The following MAD1L1 variants were observed in gnomAD, a reference collection of about 807,000 sequenced individuals.
The protein encoded by MAD1L1 is mitotic arrest deficient 1 like 1.
In MAD1L1, 95 loss-of-function variants were observed where a neutral mutation model predicts 96.9. That is an observed-to-expected ratio of 0.98 (90% CI 0.83 to 1.16). The LOEUF (loss-of-function observed/expected upper bound fraction) is 1.16. MAD1L1 is among the 50% of genes most tolerant of loss of function. The pLI is 0.00. For missense variants in MAD1L1, 1,007 were observed against 954.4 expected, an observed-to-expected ratio of 1.06 and a Z score of -0.73; for synonymous variants, 473 against 396.6, an observed-to-expected ratio of 1.19 and a Z score of -2.29.
chr7:1,939,101 G>A (rs373576425), intron 16 of MAD1L1, among the ~76,000 whole-genome samples: 34 of 129,236 alleles, frequency 2.6e-4, no homozygotes, highest in Admixed American at 9.6e-4. Context: ...ACACACACAC[G>A]GGCCAGGGCC....
intron 11 of MAD1L1, among the ~76,000 whole-genome samples, chr7:2,106,655 C>T (rs1004700934): frequency 2.0e-5 from 3 of 152,242 alleles, no homozygotes; most frequent in Non-Finnish European, 4.4e-5. Flanking sequence ...GTCACACTCT[C>T]GGCCCATCCC....
At chr7:1,934,891 C>T (rs1197107908) in intron 17 of MAD1L1, among the ~76,000 whole-genome samples, 15 of 150,460 alleles carry the variant, frequency 1.0e-4, no homozygotes, top group Non-Finnish European at 3.0e-5. Context: ...GAACCCGAGA[C>T]GGGCAGAGAC....
At chr7:2,121,363 G>A (rs1198602246) in intron 11 of MAD1L1, among the ~76,000 whole-genome samples, 1 of 152,256 alleles carries the variant, frequency 6.6e-6, no homozygotes, top group Non-Finnish European at 1.5e-5. Flanking sequence ...GACAGGCAGG[G>A]ATGAGGGAGG....
intron 10 of MAD1L1, among the ~76,000 whole-genome samples, chr7:2,188,455 A>G (rs1271285766): frequency 2.0e-5 from 3 of 152,250 alleles, no homozygotes; most frequent in Non-Finnish European, 2.9e-5. Flanking sequence ...ACAAAGCCAC[A>G]GTAATCAAAA....
chr7:1,964,038 A>C (rs911958357), intron 15 of MAD1L1, among the ~76,000 whole-genome samples: 1 of 152,162 alleles, frequency 6.6e-6, no homozygotes, highest in Non-Finnish European at 1.5e-5. Flanking sequence ...TGCCTGAGTA[A>C]AGGGGAGACT....
rs150085911 is a variant in MAD1L1 at position 2,109,051 on chromosome 7, G to A, written c.1074-39713C>T. On this transcript the variant is annotated intron_variant, in intron 11 of 18. Transcript: ENST00000265854. ...CCTGTGCTGCGCACACAGCCTCCCC[G>A]CACCCGCTCTGCAGCTCAGAGCTGC... is the stretch of plus-strand genomic sequence containing the variant. 8.0e-3 allele frequency among the ~76,000 whole-genome samples: 1,223 copies of A among 152,258 alleles called. 10 individuals carry two copies. Among genetic ancestry groups the A allele is most frequent in the African/African-American group, 0.028 (1,148 of 41,546 alleles).
rs369193160 is a variant in MAD1L1 at position 2,036,319 on chromosome 7, G to A, written c.1219-21677C>T. ...ATGAGCGCGGGAGCACTGACAAGTC[G>A]GGACAGAGCTGGGGTCCAGGCTCCC... On this transcript the variant is annotated intron_variant, in intron 12 of 18. Transcript: ENST00000265854. Among the ~76,000 whole-genome samples, 16 of 151,212 alleles carry A rather than the reference G, an allele frequency of 1.1e-4. No individual in the cohort carries two copies. The East Asian group carries it at 2.7e-3, about 26-fold the overall frequency.
At position 2,142,182 on chromosome 7, in the gene MAD1L1, C is replaced by T. The variant is rs930119428; in HGVS notation, c.1073+6970G>A. On this transcript the variant is annotated intron_variant, in intron 11 of 18. Coordinates refer to ENST00000265854, the MANE Select transcript of MAD1L1 (RefSeq NM_001013836.2). The surrounding 1 kb of genome is among the most constrained non-coding windows in gnomAD (Gnocchi z 4.7). ...GACAACTGACTCACGAGAGAGACGG[C>T]TTTTCAAAGGGCCCACACTAGCCAA... Among the ~76,000 whole-genome samples the T allele has an allele frequency of 6.6e-6, 1 of 152,232 alleles. No individual in the cohort carries two copies. Among genetic ancestry groups the T allele is most frequent in the African/African-American group, 2.4e-5 (1 of 41,458 alleles).
At chr7:1,958,805 T>C (rs1363341338) in intron 15 of MAD1L1, among the ~76,000 whole-genome samples, 1 of 152,058 alleles carries the variant, frequency 6.6e-6, no homozygotes, top group African/African-American at 2.4e-5. Flanking sequence ...TTAAAACTAC[T>C]GGAAAAATGC....
chr7:1,850,842 G>A (rs1166414687), intron 18 of MAD1L1, among the ~76,000 whole-genome samples: 2 of 152,202 alleles, frequency 1.3e-5, no homozygotes, highest in Non-Finnish European at 2.9e-5. Flanking sequence ...AGAACTAGGA[G>A]CTCCTCCCCT....
intron 18 of MAD1L1, among the ~76,000 whole-genome samples, chr7:1,880,697 G>A (rs958775319): frequency 4.6e-5 from 7 of 152,236 alleles, no homozygotes; most frequent in Non-Finnish European, 7.3e-5. Context: ...GAGGAAGTAC[G>A]GTGTGGTCAG....
chr7:2,222,695 C>T lies in MAD1L1; in HGVS notation c.351G>A (p.Glu117=), dbSNP rs779184589. 26 of 1,611,562 alleles carry T rather than the reference C, an allele frequency of 1.6e-5. No homozygotes were observed. Among genetic ancestry groups the T allele is most frequent in the Non-Finnish European group, 2.1e-5 (25 of 1,179,874 alleles). Residue 117 remains glutamate (E), a synonymous_variant, in exon 5 of 19, where the codon GAG becomes GAA. Coordinates refer to ENST00000265854, the MANE Select transcript of MAD1L1 (RefSeq NM_001013836.2). ...LTRIRQLQER[E]AGAEEKMQEQ... is the part of the protein sequence containing the mutation. The stretch of plus-strand genomic sequence containing the variant: ...CCTGCATCTTCTCCTCCGCCCCGGC[C>T]TCCCGCTCCTGAAGCTGCCGGATGC...
At chr7:2,096,090 G>A (rs758939502) in intron 11 of MAD1L1, among the ~76,000 whole-genome samples, 7 of 152,140 alleles carry the variant, frequency 4.6e-5, no homozygotes, top group African/African-American at 9.7e-5. Context: ...AAGCAAGGCC[G>A]GCGGCCAAGG....
chr7:2,008,564 G>C (rs539613453), intron 13 of MAD1L1, among the ~76,000 whole-genome samples: 1 of 152,246 alleles, frequency 6.6e-6, no homozygotes, highest in Non-Finnish European at 1.5e-5. Context: ...GATGGAGAGA[G>C]AGCTTCCCAA....
At chr7:2,155,080 C>T (rs753120113) in intron 10 of MAD1L1, among the ~76,000 whole-genome samples, 1 of 152,152 alleles carries the variant, frequency 6.6e-6, no homozygotes, top group African/African-American at 2.4e-5. Context: ...GCCGGAGAGC[C>T]GCTCCTCCGG....
rs1562700616 is a variant in MAD1L1, at chr7:2,114,566, A to G, written c.1073+34586T>C. Among the ~76,000 whole-genome samples the G allele has an allele frequency of 6.6e-6, 1 of 152,276 alleles. No homozygotes were observed. Among genetic ancestry groups the G allele is most frequent in the East Asian group, 1.9e-4 (1 of 5,204 alleles). ...GACGTCACGTGGCAGAAGGATCTTCATGAAGATGAGCATGGCTACGACTTG... is the reference window on the plus strand; with the variant it reads ...GACGTCACGTGGCAGAAGGATCTTCGTGAAGATGAGCATGGCTACGACTTG... On this transcript the variant is annotated intron_variant, in intron 11 of 18. Coordinates refer to ENST00000265854, the MANE Select transcript of MAD1L1 (RefSeq NM_001013836.2). This position sits in a 1 kb window ranked among gnomAD's most constrained non-coding sequence, Gnocchi z 4.2.
intron 10 of MAD1L1, among the ~76,000 whole-genome samples, chr7:2,180,416 A>C (rs1279944818): frequency 6.6e-6 from 1 of 152,264 alleles, no homozygotes; most frequent in Non-Finnish European, 1.5e-5. Context: ...CTTAAGACCG[A>C]GCATCTAGCC....
intron 12 of MAD1L1, among the ~76,000 whole-genome samples, chr7:2,030,430 G>C (rs186378454): frequency 1.3e-5 from 2 of 152,368 alleles, no homozygotes; most frequent in South Asian, 2.1e-4. Flanking sequence ...CACTGACAAA[G>C]TGTCACCAAA....
chr7:2,034,367 C>T (rs1174012780), intron 12 of MAD1L1, among the ~76,000 whole-genome samples: 2 of 151,984 alleles, frequency 1.3e-5, no homozygotes, highest in South Asian at 2.1e-4. Context: ...CAGGCACACA[C>T]CACCACGCCC....
Sources: gnomAD v4.1 joint callset for allele counts (sites outside exome capture counted in the v4.1 genomes callset) on GRCh38, gnomAD v4.1.1 for gene constraint, Gnocchi (gnomAD v3.1) non-coding constraint, MANE v1.5 for transcripts, NCBI Gene and HGNC (gene_info 2026-07-23, HGNC 2026-07-21) for gene names.